The following NUDCD2 variants were observed in gnomAD, a reference collection of about 807,000 sequenced individuals.
NUDCD2 encodes the protein nudC domain-containing protein 2.
Under a neutral mutation model 20.8 loss-of-function variants are expected in NUDCD2, and 16 were observed. That is an observed-to-expected ratio of 0.77 (90% CI 0.52 to 1.17). The LOEUF (loss-of-function observed/expected upper bound fraction) is 1.17. Ranked by LOEUF, NUDCD2 falls within the 50% of genes most tolerant of loss-of-function variation. The probability of loss-of-function intolerance (pLI) is 0.00; values close to 1 mark genes in which losing one functional copy is unlikely to be tolerated. For missense variants in NUDCD2, 199 were observed against 193.9 expected (o/e 1.03, Z -0.16); for synonymous variants, 87 against 72.8 (o/e 1.20, Z -1.00).
Position 163,459,956 on chromosome 5 carries a change from A to C in NUDCD2, c.95T>G (p.Val32Gly), listed in dbSNP as rs771123180. ...GGCGCGCGTGCCTGGCGGCACCTGAACTTCAATGAACACCTCCTCCAAGGT... is the reference window on the plus strand; with the variant it reads ...GGCGCGCGTGCCTGGCGGCACCTGACCTTCAATGAACACCTCCTCCAAGGT... ...YQTLEEVFIE[V>G]QVPPGTRAQD... Residue 32 changes from valine to glycine, a missense_variant, in exon 1 of 4, where the codon GTT (valine) becomes GGT (glycine). Physicochemically the swap from Val to Gly is moderately radical, Grantham distance 109 (BLOSUM62 -3). Coordinates refer to ENST00000302764, the MANE Select transcript of NUDCD2 (RefSeq NM_145266.6). 8 of 1,613,516 alleles carry C rather than the reference A, an allele frequency of 5.0e-6. No individual in the cohort carries two copies. Among genetic ancestry groups the C allele is most frequent in the Non-Finnish European group, 6.8e-6 (8 of 1,179,830 alleles).
At chr5:163,458,227 C>T (rs1758375870) in intron 1 of NUDCD2, among the ~76,000 whole-genome samples, 1 of 151,950 alleles carries the variant, frequency 6.6e-6, no homozygotes, top group Non-Finnish European at 1.5e-5. Context: ...GTGATCCGCC[C>T]GCCTAGGCCT....
rs912123904 is a variant in NUDCD2, at chr5:163,453,469, A to G, written c.*498T>C. ...TATTCTAATTAAGAAATTTACATTA[A>G]CTCTTAATTTACTTAAAATACATTT... On this transcript the variant is annotated 3_prime_UTR_variant, in exon 4 of 4. Coordinates refer to ENST00000302764, the MANE Select transcript of NUDCD2 (RefSeq NM_145266.6). The G allele has an allele frequency of 6.6e-6, 1 of 152,504 alleles. No homozygotes were observed. Among genetic ancestry groups the G allele is most frequent in the African/African-American group, 2.4e-5 (1 of 41,420 alleles). The allele number at this position is 152,504 out of a possible 1,614,324, so 9.4% of individuals were successfully genotyped here. A position where few individuals can be genotyped will look rare whatever the true frequency, so the allele number is the denominator to read the frequency against.
chr5:163,456,345 T>C (rs189620331), intron 3 of NUDCD2, among the ~76,000 whole-genome samples: 55 of 152,066 alleles, frequency 3.6e-4, no homozygotes, highest in Non-Finnish European at 7.1e-4. Flanking sequence ...AATGAAGAAA[T>C]CTAAATCATA....
chr5:163,455,083 T>A (rs934040880), intron 3 of NUDCD2, among the ~76,000 whole-genome samples: 1 of 151,960 alleles, frequency 6.6e-6, no homozygotes, highest in Non-Finnish European at 1.5e-5. Context: ...TGGGCCAAAT[T>A]TGGCCCAAGG....
chr5:163,459,731 TG>T, intron 1 of NUDCD2, 130 bp downstream of exon 1: 1 of 731,120 alleles, frequency 1.4e-6, no homozygotes, highest in South Asian at 1.9e-5. Context: ...GACCCAAACC[TG>T]GTCAGTGTTA....
chr5:163,459,887 G>A lies in NUDCD2; in HGVS notation c.164C>T (p.Ser55Leu), dbSNP rs753247235. The change falls in exon 1 of 4, where the codon TCG becomes TTG. Residue 55 changes from serine (S) to leucine (L), a missense_variant. Coordinates refer to ENST00000302764, the MANE Select transcript of NUDCD2 (RefSeq NM_145266.6). ...CGLQSRHVAL[S>L]VGGREILKGK... is the part of the protein sequence containing the mutation. Reference sequence around the variant, plus strand: ...CTTGAGGATCTCGCGGCCGCCCACCGACAGCGCCACATGCCGGCTCTGGAG... The same window carrying A: ...CTTGAGGATCTCGCGGCCGCCCACCAACAGCGCCACATGCCGGCTCTGGAG... 5 of 1,607,856 alleles carry A rather than the reference G, an allele frequency of 3.1e-6. No individual in the cohort carries two copies. Among genetic ancestry groups the A allele is most frequent in the Middle Eastern group, 3.4e-4 (2 of 5,952 alleles).
In NUDCD2 at chr5:163,456,956, C is replaced by T. The variant is rs147218174; in HGVS notation, c.363G>A (p.Lys121=). The T allele has an allele frequency of 5.0e-6, 8 of 1,610,674 alleles. No homozygotes were observed. Among genetic ancestry groups the T allele is most frequent in the Non-Finnish European group, 6.8e-6 (8 of 1,178,638 alleles). ...CTTTTTGGAATCTCTCTAATGTAAG[C>T]TTTCTCTGCATTTGGTCTTGCACCC... The part of the protein sequence containing the change: ...DPWVQDQMQR[K]LTLERFQKEN... Residue 121 remains lysine, a synonymous_variant, in exon 3 of 4, where the codon AAG becomes AAA. Transcript: ENST00000302764.
In NUDCD2 at chr5:163,452,706, T is replaced by TA. The variant is rs35598113; in HGVS notation, c.*1260dup. 21,354 of 152,122 alleles carry TA rather than the reference T, an allele frequency of 0.14. 1,953 individuals are homozygous for TA. The highest frequency in any genetic ancestry group is 0.23 in the South Asian group (1,114 of 4,824). The allele number at this position is 152,122 out of a possible 1,614,324, so 9.4% of individuals were successfully genotyped here. On this transcript the variant is annotated 3_prime_UTR_variant, in exon 4 of 4. Coordinates refer to ENST00000302764, the MANE Select transcript of NUDCD2 (RefSeq NM_145266.6). The stretch of plus-strand genomic sequence containing the variant: ...CAGAAATGAGACAAACTGAAATTAT[T>TA]AAACAATGACAGGATGCACTTCTAT...
intron 3 of NUDCD2, among the ~76,000 whole-genome samples, chr5:163,455,322 G>A (rs907410470): frequency 6.6e-6 from 1 of 152,200 alleles, no homozygotes; most frequent in Non-Finnish European, 1.5e-5. Flanking sequence ...CAGCAAACAG[G>A]CCAGTATGGC....
chr5:163,458,047 G>C (rs573722729), intron 1 of NUDCD2, among the ~76,000 whole-genome samples: 1 of 119,774 alleles, frequency 8.3e-6, no homozygotes, highest in African/African-American at 3.3e-5. Context: ...GCAGTGGCAC[G>C]ATCTGGCTCA....
At chr5:163,459,770 G>A (rs1758430748) in intron 1 of NUDCD2, 92 bp downstream of exon 1, 1 of 1,143,098 alleles carries the variant, frequency 8.7e-7, no homozygotes, top group African/African-American at 1.6e-5. Context: ...CCAGCCACAG[G>A]AGCCGTCGGG....
intron 1 of NUDCD2, chr5:163,459,027 A>G (rs1758399841): frequency 6.6e-6 from 1 of 152,236 alleles, no homozygotes; most frequent in African/African-American, 2.4e-5. Context: ...ATACACGTGA[A>G]TACCATGTTA....
rs1369034349 is a variant in NUDCD2 at position 163,453,421 on chromosome 5, T to TA, written c.*545dup. The TA allele has an allele frequency of 6.6e-6, 1 of 152,462 alleles. No homozygotes were observed. The highest frequency in any genetic ancestry group is 1.5e-5 in the Non-Finnish European group (1 of 68,020). The allele number at this position is 152,462 out of a possible 1,614,324, so 9.4% of individuals were successfully genotyped here. ...TTAACTATTTTTAAACTTCTTGACA[T>TA]AAAGTAATCCCTCAAGTAATAATAT... On this transcript the variant is annotated 3_prime_UTR_variant, in exon 4 of 4. Coordinates refer to ENST00000302764, the MANE Select transcript of NUDCD2 (RefSeq NM_145266.6).
At chr5:163,458,492 G>C (rs975233898) in intron 1 of NUDCD2, among the ~76,000 whole-genome samples, 1 of 152,054 alleles carries the variant, frequency 6.6e-6, no homozygotes, top group Middle Eastern at 3.2e-3. Flanking sequence ...GGACTTTGGA[G>C]GCCAACGTGG....
At chr5:163,455,132 G>A (rs1758271224) in intron 3 of NUDCD2, among the ~76,000 whole-genome samples, 1 of 150,934 alleles carries the variant, frequency 6.6e-6, no homozygotes, top group African/African-American at 2.4e-5. Flanking sequence ...GTTAAAAGTT[G>A]GTAAGTGACA....
rs978098907 is a variant in NUDCD2, at chr5:163,452,942, A to G, written c.*1025T>C. On this transcript the variant is annotated 3_prime_UTR_variant, in exon 4 of 4. Coordinates refer to ENST00000302764, the MANE Select transcript of NUDCD2 (RefSeq NM_145266.6). ...GATTCTGACTGGATCCTCTTGCTAT[A>G]TGGACATTATTGGGACAATCAGTTC... is the stretch of plus-strand genomic sequence containing the variant. 6.6e-6 allele frequency: 1 copy of G among 152,222 alleles called. No homozygotes were observed. The highest frequency in any genetic ancestry group is 1.5e-5 in the Non-Finnish European group (1 of 68,034). 9.4% of individuals were successfully genotyped at this position (152,222 alleles called of 1,614,324 possible).
In NUDCD2 at chr5:163,448,496, A is replaced by C. The variant is rs1334994723; in HGVS notation, c.*5471T>G. On this transcript the variant is annotated 3_prime_UTR_variant, in exon 4 of 4. Transcript: ENST00000302764. ...ACCCAAACTTAAATAAACCTCAATA[A>C]ATTCTCTATTTTTAAAAATTGAACC... is the stretch of plus-strand genomic sequence containing the variant. The C allele has an allele frequency of 6.6e-6, 1 of 152,168 alleles. No homozygotes were observed. The highest frequency in any genetic ancestry group is 1.5e-5 in the Non-Finnish European group (1 of 68,022). The allele number at this position is 152,168 out of a possible 1,614,324, so 9.4% of individuals were successfully genotyped here. A position where few individuals can be genotyped will look rare whatever the true frequency, so the allele number is the denominator to read the frequency against.
At position 163,452,194 on chromosome 5, in the gene NUDCD2, A is replaced by T. The variant is rs1055149994; in HGVS notation, c.*1773T>A. The T allele has an allele frequency of 2.0e-5, 3 of 152,236 alleles. No individual in the cohort carries two copies. The highest frequency in any genetic ancestry group is 7.2e-5 in the African/African-American group (3 of 41,468). 9.4% of individuals were successfully genotyped at this position (152,236 alleles called of 1,614,324 possible). A position where few individuals can be genotyped will look rare whatever the true frequency, so the allele number is the denominator to read the frequency against. On this transcript the variant is annotated 3_prime_UTR_variant, in exon 4 of 4. Transcript: ENST00000302764. Reference sequence around the variant, plus strand: ...TATATGTGAATTCATGGTTTTCAATATACATAGATGCAGAAATATAGATGT... The same window carrying T: ...TATATGTGAATTCATGGTTTTCAATTTACATAGATGCAGAAATATAGATGT...
chr5:163,447,418 T>G lies in NUDCD2; in HGVS notation c.*6549A>C, dbSNP rs1374147949. On this transcript the variant is annotated 3_prime_UTR_variant, in exon 4 of 4. Transcript: ENST00000302764. ...GTGAAGCATGACAGAGTTGCTATGCTCCAGCCTGAGTGACAGGGTAAGACT... is the reference window on the plus strand; with the variant it reads ...GTGAAGCATGACAGAGTTGCTATGCGCCAGCCTGAGTGACAGGGTAAGACT... 2 of 142,374 alleles carry G rather than the reference T, an allele frequency of 1.4e-5. No homozygotes were observed. Among genetic ancestry groups the G allele is most frequent in the Admixed American group, 1.5e-4 (2 of 13,608 alleles). The allele number at this position is 142,374 out of a possible 1,614,324, so 8.8% of individuals were successfully genotyped here.
Sources: gnomAD v4.1 joint callset for allele counts (sites outside exome capture counted in the v4.1 genomes callset) on GRCh38, gnomAD v4.1.1 for gene constraint, MANE v1.5 for transcripts, NCBI Gene and HGNC (gene_info 2026-07-23, HGNC 2026-07-21) for gene names.